Variants in WIPF2 observed in about 807,000 individuals in gnomAD.
WIPF2 encodes the protein WAS/WASL-interacting protein family member 2.
In WIPF2, 23 loss-of-function variants were observed where a neutral mutation model predicts 38.8. The observed-to-expected ratio is 0.59, with a 90% CI of 0.43 to 0.84. WIPF2 has a LOEUF of 0.84. WIPF2 is among the 40% of genes least tolerant of loss of function. The probability of loss-of-function intolerance (pLI) is 0.00; values close to 1 mark genes in which losing one functional copy is unlikely to be tolerated. For synonymous variants in WIPF2, 210 were observed against 223.2 expected (o/e 0.94, Z 0.53); for missense variants, 574 against 580.5 (o/e 0.99, Z 0.11).
chr17:40,226,442 C>G (rs2030492851), intron 1 of WIPF2, among the ~76,000 whole-genome samples: 3 of 151,754 alleles, frequency 2.0e-5, no homozygotes, highest in African/African-American at 7.2e-5. Context: ...GTCTCGAACT[C>G]CTGACCTCGC....
intron 1 of WIPF2, among the ~76,000 whole-genome samples, chr17:40,254,856 G>A (rs1290571001): frequency 1.3e-5 from 2 of 151,834 alleles, no homozygotes; most frequent in East Asian, 3.9e-4. Context: ...TGAGCCTCCC[G>A]AGTAGCTGGG....
chr17:40,244,078 A>C (rs1044022946), intron 1 of WIPF2, among the ~76,000 whole-genome samples: 1 of 152,218 alleles, frequency 6.6e-6, no homozygotes, highest in Non-Finnish European at 1.5e-5. Flanking sequence ...GCTGTGAGCT[A>C]TAGAAAAAGC....
At chr17:40,237,745 G>C (rs558446704) in intron 1 of WIPF2, among the ~76,000 whole-genome samples, 25 of 148,296 alleles carry the variant, frequency 1.7e-4, no homozygotes, top group African/African-American at 6.2e-4. Context: ...TCCCGGGTTC[G>C]AATGATTTTC....
intron 5 of WIPF2, among the ~76,000 whole-genome samples, chr17:40,268,650 C>CA (rs1259219152): frequency 2.0e-5 from 3 of 152,002 alleles, no homozygotes; most frequent in African/African-American, 7.2e-5. Context: ...AGGCTGGACT[C>CA]AAACTCTTGG....
intron 6 of WIPF2, among the ~76,000 whole-genome samples, chr17:40,275,226 G>A (rs28631283): frequency 0.018 from 2,247 of 125,862 alleles, 75 homozygotes; most frequent in African/African-American, 0.066. Flanking sequence ...GGGTGACAGA[G>A]CAAGACTCCG....
At chr17:40,250,293 C>T (rs1455287261) in intron 1 of WIPF2, among the ~76,000 whole-genome samples, 2 of 124,450 alleles carry the variant, frequency 1.6e-5, no homozygotes, top group Non-Finnish European at 3.2e-5. Flanking sequence ...TGCAGTGGCG[C>T]ATTCTCGGCT....
At position 40,278,714 on chromosome 17, in the gene WIPF2, AGTGATCTGTTT is replaced by A; in HGVS notation, c.*490_*500del. On this transcript the variant is annotated 3_prime_UTR_variant, in exon 8 of 8. Coordinates refer to ENST00000323571, the MANE Select transcript of WIPF2 (RefSeq NM_133264.5). ...GAAGCAAGAAAGGAGTTTGCCAAGA[AGTGATCTGTTT>A]TAAAGGTCATATTTGGAGAAAGGGC... 6.4e-6 allele frequency: 1 copy of A among 155,124 alleles called. No individual in the cohort carries two copies. 9.6% of individuals were successfully genotyped at this position (155,124 alleles called of 1,614,324 possible).
chr17:40,264,605 C>G lies in WIPF2; in HGVS notation c.429C>G (p.Ala143=). ...AGGATGATACAGACAGCAGCCGGGC[C>G]TCACTCCCAGAACTGCCCCGGATGC... ...RPQDDTDSSR[A]SLPELPRMQR... Residue 143 remains alanine (A), a synonymous_variant, in exon 5 of 8, where the codon GCC becomes GCG. Transcript: ENST00000323571. 6.2e-7 allele frequency: 1 copy of G among 1,614,124 alleles called. No homozygotes were observed. The highest frequency in any genetic ancestry group is 1.1e-5 in the South Asian group (1 of 91,088).
chr17:40,219,520 C>A, intron 1 of WIPF2, 28 bp downstream of exon 1: 1 of 159,604 alleles, frequency 6.3e-6, no homozygotes, highest in South Asian at 1.6e-4. Context: ...GCGGCTGGGT[C>A]AGTCGCTGAA....
chr17:40,281,967 C>T lies in WIPF2; in HGVS notation c.*3742C>T, dbSNP rs1054877499. The T allele has an allele frequency of 6.6e-6, 1 of 152,390 alleles. No individual in the cohort carries two copies. Among genetic ancestry groups the T allele is most frequent in the Non-Finnish European group, 1.5e-5 (1 of 68,018 alleles). The allele number at this position is 152,390 out of a possible 1,614,324, so 9.4% of individuals were successfully genotyped here. ...TCCCCATTGAATCTCAGTCCCTGGC[C>T]ATGTGGTCAAGGTGGCTTTCTGTTA... On this transcript the variant is annotated 3_prime_UTR_variant, in exon 8 of 8. Coordinates refer to ENST00000323571, the MANE Select transcript of WIPF2 (RefSeq NM_133264.5).
rs373571448 is a variant in WIPF2, at chr17:40,275,261, AC to A, written c.1180+1263del. Among the ~76,000 whole-genome samples the A allele has an allele frequency of 2.0e-3, 298 of 148,632 alleles. 1 individual carries two copies. Among genetic ancestry groups the A allele is most frequent in the African/African-American group, 5.6e-3 (228 of 40,400 alleles). On this transcript the variant is annotated intron_variant, in intron 6 of 7. Transcript: ENST00000323571. ...GTCTCAAAAAAAAAAAAAAAAAAAAACAAAACCCAAAACATTACACACATTA... is the reference window on the plus strand; with the variant it reads ...GTCTCAAAAAAAAAAAAAAAAAAAAAAAAACCCAAAACATTACACACATTA...
intron 6 of WIPF2, among the ~76,000 whole-genome samples, chr17:40,276,584 C>T (rs1427512713): frequency 1.3e-5 from 2 of 151,388 alleles, no homozygotes; most frequent in African/African-American, 4.9e-5. Context: ...CAACTGAGCT[C>T]CTTTCCTGTT....
intron 1 of WIPF2, among the ~76,000 whole-genome samples, chr17:40,245,543 A>G (rs2031336070): frequency 6.6e-6 from 1 of 151,972 alleles, no homozygotes; most frequent in Non-Finnish European, 1.5e-5. Context: ...GGGTTTCACC[A>G]TGTTGGCCAG....
intron 1 of WIPF2, among the ~76,000 whole-genome samples, chr17:40,233,517 T>G (rs1378459429): frequency 1.3e-5 from 2 of 151,854 alleles, no homozygotes; most frequent in Non-Finnish European, 2.9e-5. Context: ...ATAGATGAAG[T>G]CTTGCTGTGT....
At chr17:40,255,264 T>G (rs2145359963) in intron 1 of WIPF2, among the ~76,000 whole-genome samples, 1 of 152,030 alleles carries the variant, frequency 6.6e-6, no homozygotes, top group Non-Finnish European at 1.5e-5. Context: ...TGAAGTGAGA[T>G]GATTGCTTGA....
chr17:40,264,444 A>G (rs1480767764), intron 4 of WIPF2, 46 bp from the exon 5 acceptor site: 1 of 1,593,300 alleles, frequency 6.3e-7, no homozygotes. Flanking sequence ...ATACTGACCA[A>G]TATCTGTCCA....
intron 1 of WIPF2, among the ~76,000 whole-genome samples, chr17:40,236,673 A>G (rs1024173121): frequency 1.4e-5 from 2 of 146,278 alleles, no homozygotes; most frequent in South Asian, 4.3e-4. Flanking sequence ...CACTGGTGCG[A>G]TCTCAGCTCA....
At chr17:40,253,465 T>C (rs962429820) in intron 1 of WIPF2, among the ~76,000 whole-genome samples, 4 of 152,210 alleles carry the variant, frequency 2.6e-5, no homozygotes, top group African/African-American at 4.8e-5. Flanking sequence ...AAGAAAGGTT[T>C]TGTTTGTTGG....
chr17:40,257,635 A>C (rs12947623), intron 2 of WIPF2, among the ~76,000 whole-genome samples: 1 of 151,202 alleles, frequency 6.6e-6, no homozygotes, highest in Admixed American at 6.6e-5. Flanking sequence ...AATACCAGCC[A>C]CTCAGGAGGC....
Sources: gnomAD v4.1 joint callset for allele counts (sites outside exome capture counted in the v4.1 genomes callset) on GRCh38, gnomAD v4.1.1 for gene constraint, MANE v1.5 for transcripts, NCBI Gene and HGNC (gene_info 2026-07-23, HGNC 2026-07-21) for gene names.